ANO1: variants seen among roughly 807,000 people sequenced by gnomAD.
ANO1 encodes the protein anoctamin-1.
Under a neutral mutation model 124.0 loss-of-function variants are expected in ANO1, and 59 were observed. The observed-to-expected ratio is 0.48, with a 90% CI of 0.39 to 0.59. The LOEUF (loss-of-function observed/expected upper bound fraction) is 0.59. Ranked by LOEUF, ANO1 falls within the 20% of genes least tolerant of loss-of-function variation. The probability of loss-of-function intolerance (pLI) is 0.00; values close to 1 mark genes in which losing one functional copy is unlikely to be tolerated. For missense variants in ANO1, 1,059 were observed against 1,328.0 expected (o/e 0.80, Z 3.15); for synonymous variants, 529 against 532.0 (o/e 0.99, Z 0.08).
chr11:69,976,508 A>C, the ANO1 span, among the ~76,000 whole-genome samples: 2 of 2,568 alleles, frequency 7.8e-4, no homozygotes, highest in Non-Finnish European at 1.2e-3. Flanking sequence ...CTCCGTCTCT[A>C]AAAAAAAAAA....
In ANO1 at chr11:70,087,925, C is replaced by T. The variant is rs755648428; in HGVS notation, c.282C>T (p.Ser94=). ...QHSDTPSGAR[S]VKQDHPLPGK... ...GCGACACCCCCTCTGGGGCTCGCAG[C>T]GTCAAGCAGGACCACCCCCTGCCGG... The change falls in exon 2 of 26, where the codon AGC becomes AGT. Residue 94 remains serine, a synonymous_variant. Coordinates refer to ENST00000355303, the MANE Select transcript of ANO1 (RefSeq NM_018043.7). 9.3e-6 allele frequency: 15 copies of T among 1,608,030 alleles called. No homozygotes were observed. The highest frequency in any genetic ancestry group is 6.7e-5 in the African/African-American group (5 of 74,848).
At chr11:69,967,358 C>G in the ANO1 span, among the ~76,000 whole-genome samples, 1 of 152,312 alleles carries the variant, frequency 6.6e-6, no homozygotes, top group South Asian at 2.1e-4. Context: ...TAGCTAGCAT[C>G]AGGCTCTGAG....
chr11:70,015,521 G>A (rs895372820), intron 1 of ANO1, among the ~76,000 whole-genome samples: 4 of 152,182 alleles, frequency 2.6e-5, no homozygotes, highest in Admixed American at 6.5e-5. Flanking sequence ...CCCTGTTCTT[G>A]ATGTGTCTGA....
At chr11:70,032,631 C>T (rs1037176416) in intron 1 of ANO1, among the ~76,000 whole-genome samples, 1 of 152,024 alleles carries the variant, frequency 6.6e-6, no homozygotes, top group Non-Finnish European at 1.5e-5. Flanking sequence ...CCAGTGGTGC[C>T]GTTTACTGAG....
At chr11:70,155,849 C>G (rs755561388) in intron 14 of ANO1, 62 bp from the exon 15 acceptor site, 1 of 1,444,008 alleles carries the variant, frequency 6.9e-7, no homozygotes. Flanking sequence ...CTGGGCCCCG[C>G]GGTCTGCGGT....
intron 5 of ANO1, 86 bp downstream of exon 5, chr11:70,105,874 C>T: frequency 1.5e-6 from 2 of 1,372,378 alleles, no homozygotes. Context: ...TGAAACTCCT[C>T]CCGGTGGAAG....
intron 16 of ANO1, among the ~76,000 whole-genome samples, chr11:70,157,919 G>A (rs1190031341): frequency 6.7e-6 from 1 of 148,338 alleles, no homozygotes; most frequent in Non-Finnish European, 1.5e-5. Flanking sequence ...AGTCGAGGCT[G>A]CAGTGAGCTG....
intron 1 of ANO1, among the ~76,000 whole-genome samples, chr11:70,032,224 T>A (rs879978492): frequency 6.6e-6 from 1 of 152,118 alleles, no homozygotes; most frequent in African/African-American, 2.4e-5. Flanking sequence ...GACCCCAGAT[T>A]AGGTCTGATC....
At chr11:70,039,569 C>CACAGGTGGTAGTCCTACCTCCCCTTCT in intron 1 of ANO1, among the ~76,000 whole-genome samples, 1 of 151,134 alleles carries the variant, frequency 6.6e-6, no homozygotes, top group South Asian at 2.1e-4. Context: ...CCTCCCCTTC[C>CACAGGTGGTAGTCCTACCTCCCCTTCT]GCAGGTGGTA....
intron 11 of ANO1, among the ~76,000 whole-genome samples, chr11:70,143,010 G>T (rs1417278702): frequency 1.3e-5 from 2 of 152,168 alleles, no homozygotes; most frequent in Non-Finnish European, 2.9e-5. Flanking sequence ...ATGCAAGTCA[G>T]GCCAGAGCAG....
chr11:70,028,623 G>A (rs1163985106), intron 1 of ANO1, among the ~76,000 whole-genome samples: 5 of 152,094 alleles, frequency 3.3e-5, no homozygotes, highest in Non-Finnish European at 7.4e-5. Flanking sequence ...CCACACCCCA[G>A]AGCTGAAGCT....
At chr11:69,978,902 G>A in the ANO1 span, among the ~76,000 whole-genome samples, 3 of 152,330 alleles carry the variant, frequency 2.0e-5, no homozygotes, top group Non-Finnish European at 4.4e-5. Flanking sequence ...TCTCAACTCT[G>A]TCTTATTGCC....
At position 70,137,380 on chromosome 11, in the gene ANO1, C is replaced by T. The variant is rs1233569511; in HGVS notation, c.1258+5301C>T. ...GCCTGCCCCTGCCTGCCTCCCTGGA[C>T]GCTGCGTCCATCTGGAACTATCTCC... On this transcript the variant is annotated intron_variant, in intron 11 of 25. Transcript: ENST00000355303. Among the ~76,000 whole-genome samples the T allele has an allele frequency of 1.0e-4, 14 of 140,348 alleles. 1 individual carries two copies. The highest frequency in any genetic ancestry group is 4.7e-4 in the Admixed American group (6 of 12,878). The allele number at this position is 140,348 out of a possible 152,430, so 92.1% of individuals were successfully genotyped here. A position where few individuals can be genotyped will look rare whatever the true frequency, so the allele number is the denominator to read the frequency against.
intron 1 of ANO1, among the ~76,000 whole-genome samples, chr11:70,059,950 CTTTTTT>C (rs36021561): frequency 2.1e-4 from 16 of 75,552 alleles, no homozygotes; most frequent in East Asian, 9.9e-4. Context: ...AGGCGTTGGC[CTTTTTT>C]TTTTTTTTTT....
intron 1 of ANO1, among the ~76,000 whole-genome samples, chr11:70,016,772 T>C (rs1856710689): frequency 1.3e-5 from 2 of 152,218 alleles, no homozygotes; most frequent in South Asian, 4.1e-4. Flanking sequence ...TCACCCTTAA[T>C]CTGGCTGCAC....
intron 11 of ANO1, among the ~76,000 whole-genome samples, chr11:70,145,862 A>G (rs1222982755): frequency 6.6e-6 from 1 of 150,526 alleles, no homozygotes; most frequent in Non-Finnish European, 1.5e-5. Context: ...ACTTGAACTC[A>G]GGAGGCAGAC....
At chr11:70,033,087 T>C (rs539057376) in intron 1 of ANO1, among the ~76,000 whole-genome samples, 1 of 152,244 alleles carries the variant, frequency 6.6e-6, no homozygotes, top group African/African-American at 2.4e-5. Flanking sequence ...TCCAGCTCGA[T>C]GGGTGTGAGC....
chr11:70,143,373 C>T (rs1035309703), intron 11 of ANO1, among the ~76,000 whole-genome samples: 2 of 152,100 alleles, frequency 1.3e-5, no homozygotes, highest in African/African-American at 4.8e-5. Flanking sequence ...AAGGAGGTGC[C>T]GCGAAATTAG....
chr11:70,095,364 A>AAG (rs1168510332), intron 2 of ANO1, among the ~76,000 whole-genome samples: 1 of 27,302 alleles, frequency 3.7e-5, no homozygotes, highest in African/African-American at 1.0e-4. Flanking sequence ...GAAAGAAAGA[A>AAG]AGAAAGAAAG....
Sources: gnomAD v4.1 joint callset for allele counts (sites outside exome capture counted in the v4.1 genomes callset) on GRCh38, gnomAD v4.1.1 for gene constraint, MANE v1.5 for transcripts, NCBI Gene and HGNC (gene_info 2026-07-23, HGNC 2026-07-21) for gene names.